The following GPHN variants were observed in gnomAD, a reference collection of about 807,000 sequenced individuals.
GPHN encodes the protein gephyrin.
In GPHN, 17 loss-of-function variants were observed where a neutral mutation model predicts 95.5. The ratio of observed to expected loss-of-function variants is 0.18; its 90% CI spans 0.12 to 0.27. The LOEUF (loss-of-function observed/expected upper bound fraction) is 0.27, where lower values mean the gene tolerates loss of function less well. Ranked by LOEUF, GPHN falls within the 10% of genes least tolerant of loss-of-function variation. The probability of loss-of-function intolerance (pLI) is 1.00; values close to 1 mark genes in which losing one functional copy is unlikely to be tolerated. For missense variants in GPHN, 660 were observed against 978.1 expected (o/e 0.67, Z 4.34); for synonymous variants, 320 against 322.5 (o/e 0.99, Z 0.08).
At chr14:66,613,414 A>T (rs2062867194) in intron 1 of GPHN, among the ~76,000 whole-genome samples, 1 of 152,078 alleles carries the variant, frequency 6.6e-6, no homozygotes, top group South Asian at 2.1e-4. Context: ...CACCAACAAA[A>T]TGCATCACAA....
At chr14:66,910,700 T>G (rs2065629034) in intron 5 of GPHN, among the ~76,000 whole-genome samples, 1 of 152,058 alleles carries the variant, frequency 6.6e-6, no homozygotes, top group Admixed American at 6.6e-5. Flanking sequence ...ATAAACAATA[T>G]GCACACACAT....
chr14:67,268,991 C>T, the GPHN span, among the ~76,000 whole-genome samples: 1 of 152,124 alleles, frequency 6.6e-6, no homozygotes, highest in Admixed American at 6.6e-5. Flanking sequence ...TGCATCATTC[C>T]GCAAGAGAAA....
At chr14:66,621,761 C>G (rs545945360) in intron 1 of GPHN, among the ~76,000 whole-genome samples, 19 of 152,310 alleles carry the variant, frequency 1.2e-4, no homozygotes, top group Admixed American at 6.5e-4. Flanking sequence ...TCTCCTTTGA[C>G]TCCATATCTC....
intron 3 of GPHN, among the ~76,000 whole-genome samples, chr14:66,802,640 C>T (rs555706620): frequency 6.6e-6 from 1 of 152,188 alleles, no homozygotes; most frequent in Non-Finnish European, 1.5e-5. Context: ...GCTCATTATT[C>T]AGTGCCCAAG....
intron 5 of GPHN, among the ~76,000 whole-genome samples, chr14:66,905,167 G>C (rs1361315666): frequency 6.6e-6 from 1 of 151,654 alleles, no homozygotes; most frequent in Non-Finnish European, 1.5e-5. Flanking sequence ...GCCTATCTTT[G>C]AGCTCACTGA....
the GPHN span, among the ~76,000 whole-genome samples, chr14:67,371,219 A>G: frequency 6.6e-6 from 1 of 152,130 alleles, no homozygotes; most frequent in Non-Finnish European, 1.5e-5. Context: ...TTTCAAGACC[A>G]GCCTGGCAAT....
chr14:67,187,759 T>G, the GPHN span, among the ~76,000 whole-genome samples: 38,089 of 152,080 alleles, frequency 0.25, 9,629 homozygotes, highest in African/African-American at 0.62. Flanking sequence ...CCTCTGTGCC[T>G]TTGCTCAGAC....
At chr14:67,158,307 C>CAAA (rs368266629) in intron 18 of GPHN, among the ~76,000 whole-genome samples, 71 of 55,708 alleles carry the variant, frequency 1.3e-3, no homozygotes, top group Admixed American at 2.7e-3. Flanking sequence ...AACTCCATCT[C>CAAA]AAAAAAAAAA....
At chr14:66,682,477 C>T (rs148970324) in intron 2 of GPHN, among the ~76,000 whole-genome samples, 6 of 152,204 alleles carry the variant, frequency 3.9e-5, no homozygotes, top group Non-Finnish European at 5.9e-5. Flanking sequence ...ACTGGCCAGG[C>T]GTGGTGGCTC....
chr14:67,329,374 T>G, the GPHN span, among the ~76,000 whole-genome samples: 1 of 152,228 alleles, frequency 6.6e-6, no homozygotes, highest in Non-Finnish European at 1.5e-5. Context: ...AAGGAGATTT[T>G]GGGCTGAGAC....
At chr14:66,677,372 T>G (rs2066667554) in intron 1 of GPHN, among the ~76,000 whole-genome samples, 1 of 152,088 alleles carries the variant, frequency 6.6e-6, no homozygotes, top group African/African-American at 2.4e-5. Flanking sequence ...GTGAAATTGT[T>G]CAAATGGTTT....
the GPHN span, among the ~76,000 whole-genome samples, chr14:67,675,096 C>A: frequency 6.6e-6 from 1 of 152,226 alleles, no homozygotes; most frequent in South Asian, 2.1e-4. Context: ...CCGAATTCCT[C>A]GTTTCGCGTC....
At chr14:66,586,950 A>T (rs1338056119) in intron 1 of GPHN, among the ~76,000 whole-genome samples, 1 of 152,206 alleles carries the variant, frequency 6.6e-6, no homozygotes, top group South Asian at 2.1e-4. Context: ...AGGAAAGATG[A>T]ACAAAACAGA....
chr14:67,574,325 G>A, the GPHN span: 3 of 1,603,956 alleles, frequency 1.9e-6, no homozygotes, highest in Non-Finnish European at 2.6e-6. The surrounding 1 kb of genome is among the most constrained non-coding windows in gnomAD (Gnocchi z 4.2). Flanking sequence ...TCCAGAGCCT[G>A]CTGAAGGTGC....
chr14:67,703,007 T>G, the GPHN span, among the ~76,000 whole-genome samples: 1 of 151,592 alleles, frequency 6.6e-6, no homozygotes, highest in African/African-American at 2.4e-5. Flanking sequence ...TTTTGTAGAG[T>G]CAGAGTCTCA....
At chr14:66,976,354 T>C (rs2070219379) in intron 9 of GPHN, among the ~76,000 whole-genome samples, 1 of 152,212 alleles carries the variant, frequency 6.6e-6, no homozygotes, top group South Asian at 2.1e-4. Context: ...CTGTTTTTAA[T>C]TGTTTGGGAC....
At chr14:67,596,912 T>C in the GPHN span, among the ~76,000 whole-genome samples, 1 of 152,228 alleles carries the variant, frequency 6.6e-6, no homozygotes, top group African/African-American at 2.4e-5. Flanking sequence ...TTTCCCCTAC[T>C]GTAATAGTTC....
chr14:67,681,884 T>TA, the GPHN span, among the ~76,000 whole-genome samples: 2 of 152,154 alleles, frequency 1.3e-5, no homozygotes, highest in South Asian at 2.1e-4. Flanking sequence ...ATGTATCCCT[T>TA]AAAAAATCAC....
chr14:67,504,894 ACAAAACAAAAAC>A, the GPHN span, among the ~76,000 whole-genome samples: 1 of 111,720 alleles, frequency 9.0e-6, no homozygotes, highest in South Asian at 3.3e-4. Flanking sequence ...CTCAAACAAA[ACAAAACAAAAAC>A]AAAAACAAAA....
Sources: gnomAD v4.1 joint callset for allele counts (sites outside exome capture counted in the v4.1 genomes callset) on GRCh38, gnomAD v4.1.1 for gene constraint, Gnocchi (gnomAD v3.1) non-coding constraint, MANE v1.5 for transcripts, NCBI Gene and HGNC (gene_info 2026-07-23, HGNC 2026-07-21) for gene names.